The following DCBLD2 variants were observed in gnomAD, a reference collection of about 807,000 sequenced individuals.
DCBLD2 encodes discoidin, CUB and LCCL domain-containing protein 2.
In DCBLD2, 54 loss-of-function variants were observed where a neutral mutation model predicts 86.8. The observed-to-expected ratio is 0.62, with a 90% CI of 0.50 to 0.78. The LOEUF (loss-of-function observed/expected upper bound fraction) is 0.78. DCBLD2 is among the 30% of genes least tolerant of loss of function. The pLI, the probability that DCBLD2 is intolerant of heterozygous loss-of-function variation, is 0.00. For synonymous variants in DCBLD2, 354 were observed against 341.3 expected (o/e 1.04, Z -0.41); for missense variants, 908 against 954.2 (o/e 0.95, Z 0.64).
chr3:98,817,868 C>G lies in DCBLD2; in HGVS notation c.1113G>C (p.Met371Ile), dbSNP rs751688122. 1 of 1,613,426 alleles carries G rather than the reference C, an allele frequency of 6.2e-7. No homozygotes were observed. Among genetic ancestry groups the G allele is most frequent in the African/African-American group, 1.3e-5 (1 of 74,904 alleles). ...ITGIITTGST[M>I]VEHNYYVSAY... ...CAGACACATAGTAATTGTGCTCCAC[C>G]ATGGTGGATCCAGTGGTTATAATGC... Residue 371 changes from methionine to isoleucine, a missense_variant, in exon 9 of 16, where the codon ATG becomes ATC. Met to Ile is a conservative substitution (Grantham distance 10). This residue lies in a region of DCBLD2 where 606 missense variants were observed against 678.5 expected (regional missense o/e 0.89). Transcript: ENST00000326840.
chr3:98,870,747 A>AAGAAAGAAAGAAAG lies in DCBLD2; in HGVS notation c.433+10779_433+10792dup, dbSNP rs1553731665. On this transcript the variant is annotated intron_variant, in intron 2 of 15. Transcript: ENST00000326840. ...AAAAGAAAAGAAAGAAAAAGAAAGA[A>AAGAAAGAAAGAAAG]AGAAAGAAAGAAAGAAAGAAAGAAA... Among the ~76,000 whole-genome samples, 273 of 112,894 alleles carry AAGAAAGAAAGAAAG rather than the reference A, an allele frequency of 2.4e-3. 4 individuals carry two copies. The highest frequency in any genetic ancestry group is 5.7e-3 in the South Asian group (16 of 2,806). 74.1% of individuals were successfully genotyped at this position (112,894 alleles called of 152,430 possible). A position where few individuals can be genotyped will look rare whatever the true frequency, so the allele number is the denominator to read the frequency against.
intron 12 of DCBLD2, among the ~76,000 whole-genome samples, chr3:98,808,587 A>C (rs1306483089): frequency 1.3e-5 from 2 of 152,214 alleles, no homozygotes; most frequent in Non-Finnish European, 2.9e-5. Context: ...AAATACAAGT[A>C]ACCATTAAAT....
intron 13 of DCBLD2, among the ~76,000 whole-genome samples, chr3:98,803,062 G>A (rs1197294724): frequency 7.9e-5 from 12 of 152,176 alleles, no homozygotes; most frequent in Non-Finnish European, 1.5e-4. Context: ...GAACTTTAAA[G>A]TAGTTTTTTC....
chr3:98,831,016 G>C (rs1388665255), intron 3 of DCBLD2, among the ~76,000 whole-genome samples: 1 of 151,174 alleles, frequency 6.6e-6, no homozygotes, highest in African/African-American at 2.4e-5. Flanking sequence ...ATGGGATTGT[G>C]TTCTTGATTA....
intron 2 of DCBLD2, among the ~76,000 whole-genome samples, chr3:98,873,658 A>G (rs915308561): frequency 6.6e-6 from 1 of 152,118 alleles, no homozygotes; most frequent in African/African-American, 2.4e-5. Flanking sequence ...AGATATTTTT[A>G]TCAATAAAAA....
In DCBLD2 at chr3:98,831,858, G is replaced by A. The variant is rs1095915; in HGVS notation, c.572-6492C>T. Among the ~76,000 whole-genome samples the A allele has an allele frequency of 1.2e-3, 178 of 152,198 alleles. 1 individual carries two copies. Among genetic ancestry groups the A allele is most frequent in the African/African-American group, 3.9e-3 (164 of 41,548 alleles). Reference sequence around the variant, plus strand: ...TGCATCTGCTGATTGCTTTATGTCCGATTATGTGGTCATTTTTAGAGTATG... The same window carrying A: ...TGCATCTGCTGATTGCTTTATGTCCAATTATGTGGTCATTTTTAGAGTATG... On this transcript the variant is annotated intron_variant, in intron 3 of 15. Transcript: ENST00000326840.
intron 2 of DCBLD2, among the ~76,000 whole-genome samples, chr3:98,871,116 CT>C (rs1224038654): frequency 1.3e-5 from 2 of 151,562 alleles, no homozygotes. Flanking sequence ...AGCAGTAGTA[CT>C]GATGTGTGTA....
intron 1 of DCBLD2, among the ~76,000 whole-genome samples, chr3:98,897,844 C>T (rs187509780): frequency 4.7e-4 from 72 of 152,172 alleles, no homozygotes; most frequent in Admixed American, 9.2e-4. Context: ...GTAGGCAAGC[C>T]TTCCAGGATA....
Position 98,901,230 on chromosome 3 carries a change from A to T in DCBLD2, c.97T>A (p.Ser33Thr). 1 of 1,534,986 alleles carries T rather than the reference A, an allele frequency of 6.5e-7. No homozygotes were observed. Among genetic ancestry groups the T allele is most frequent in the South Asian group, 1.2e-5 (1 of 83,992 alleles). ...AAPAWAALPL[S>T]RSLPPCSNSS... ...TTGGAGCAGGGAGGGAGGGAGCGGG[A>T]GAGGGGGAGCGCGGCCCAGGCGGGG... The change falls in exon 1 of 16, where the codon TCC becomes ACC. Residue 33 changes from serine (S) to threonine (T), a missense_variant. Coordinates refer to ENST00000326840, the MANE Select transcript of DCBLD2 (RefSeq NM_080927.4).
rs767867900 is a variant in DCBLD2, at chr3:98,901,193, AAGG to A, written c.131_133del (p.Ser44del). The A allele has an allele frequency of 3.0e-5, 46 of 1,536,928 alleles. 1 individual carries two copies. In the African/African-American group the frequency reaches 4.1e-4, roughly 14 times the overall value. ...GAGCAGGAGGAACAGAGGCATGGAG[AAGG>A]AGGAGGAGTTGGAGCAGGGAGGGAG... is the stretch of plus-strand genomic sequence containing the variant. On this transcript the variant is annotated inframe_deletion, in exon 1 of 16. Transcript: ENST00000326840.
chr3:98,859,897 A>G (rs549217422), intron 2 of DCBLD2, among the ~76,000 whole-genome samples: 5 of 152,340 alleles, frequency 3.3e-5, no homozygotes, highest in African/African-American at 9.6e-5. Context: ...GAGTTGAGAG[A>G]AGAAGGCTTC....
intron 2 of DCBLD2, among the ~76,000 whole-genome samples, chr3:98,863,082 C>G (rs1210077425): frequency 6.6e-6 from 1 of 152,120 alleles, no homozygotes; most frequent in African/African-American, 2.4e-5. Context: ...CAATAACAGA[C>G]AAACAGAGAG....
At chr3:98,847,362 C>CT (rs1399863507) in intron 3 of DCBLD2, among the ~76,000 whole-genome samples, 12 of 152,222 alleles carry the variant, frequency 7.9e-5, no homozygotes, top group African/African-American at 2.4e-4. Context: ...ATCACACTGA[C>CT]TAAGTTTTCC....
chr3:98,811,160 T>C, intron 12 of DCBLD2, 34 bp downstream of exon 12: 1 of 1,556,278 alleles, frequency 6.4e-7, no homozygotes. Flanking sequence ...AAAACAATAC[T>C]ATGTACTAGG....
chr3:98,881,459 GTTAT>G, intron 2 of DCBLD2, 77 bp downstream of exon 2: 1 of 1,285,498 alleles, frequency 7.8e-7, no homozygotes, highest in Non-Finnish European at 1.1e-6. Flanking sequence ...ACACTGCATG[GTTAT>G]TTAATGTTAA....
chr3:98,828,534 C>T (rs1298711263), intron 3 of DCBLD2, among the ~76,000 whole-genome samples: 1 of 151,844 alleles, frequency 6.6e-6, no homozygotes, highest in Non-Finnish European at 1.5e-5. Context: ...ACTAGGATGG[C>T]GAAAATAAAA....
intron 13 of DCBLD2, among the ~76,000 whole-genome samples, chr3:98,803,447 G>T (rs1183485073): frequency 5.9e-5 from 9 of 152,352 alleles, no homozygotes; most frequent in South Asian, 4.1e-4. Flanking sequence ...ATTTTGGGCT[G>T]AGATGATGGG....
chr3:98,859,293 C>A (rs1942995817), intron 2 of DCBLD2, among the ~76,000 whole-genome samples: 1 of 152,218 alleles, frequency 6.6e-6, no homozygotes, highest in South Asian at 2.1e-4. Context: ...GACTCCACCT[C>A]TGGGGGCAGG....
At chr3:98,860,409 T>A (rs1467523475) in intron 2 of DCBLD2, among the ~76,000 whole-genome samples, 2 of 152,020 alleles carry the variant, frequency 1.3e-5, no homozygotes, top group Non-Finnish European at 2.9e-5. Flanking sequence ...AGCAACTTCA[T>A]GACACATAAT....
Sources: allele counts gnomAD v4.1 joint callset (sites outside exome capture counted in the v4.1 genomes callset), GRCh38; gene constraint gnomAD v4.1.1; regional missense constraint gnomAD v4.1.1; transcripts MANE v1.5; gene names NCBI Gene and HGNC (gene_info 2026-07-23, HGNC 2026-07-21).